The following ZNF394 variants were observed in gnomAD, a reference collection of about 807,000 sequenced individuals.
The protein encoded by ZNF394 is zinc finger protein 99.
In ZNF394, 19 loss-of-function variants were observed where a neutral mutation model predicts 21.8. The observed-to-expected ratio is 0.87, with a 90% CI of 0.61 to 1.28. The LOEUF (loss-of-function observed/expected upper bound fraction) is 1.28. Among genes scored for constraint, ZNF394 ranks in the 50% most tolerant of loss-of-function variants. The pLI, the probability that ZNF394 is intolerant of heterozygous loss-of-function variation, is 0.00. For synonymous variants in ZNF394, 294 were observed against 273.3 expected, an observed-to-expected ratio of 1.08 and a Z score of -0.75; for missense variants, 683 against 708.6, an observed-to-expected ratio of 0.96 and a Z score of 0.41.
rs1469407487 is a variant in ZNF394, at chr7:99,498,539, C to T, written c.583+177G>A. ...GTATGTATAAAACATTAAAAATGAACCAAAGTAAAAAGCTGAATCTAGCAC... is the reference window on the plus strand; with the variant it reads ...GTATGTATAAAACATTAAAAATGAATCAAAGTAAAAAGCTGAATCTAGCAC... On this transcript the variant is annotated intron_variant, in intron 2 of 2. Transcript: ENST00000337673. 7 of 760,028 alleles carry T rather than the reference C, an allele frequency of 9.2e-6. No homozygotes were observed. In the African/African-American group the frequency reaches 1.3e-4, roughly 14 times the overall value. The allele number at this position is 760,028 out of a possible 1,614,324, so 47.1% of individuals were successfully genotyped here. A position where few individuals can be genotyped will look rare whatever the true frequency, so the allele number is the denominator to read the frequency against.
In ZNF394 at chr7:99,494,612, C is replaced by G. The variant is rs1174393378; in HGVS notation, c.603G>C (p.Glu201Asp). 4 of 1,592,320 alleles carry G rather than the reference C, an allele frequency of 2.5e-6. No individual in the cohort carries two copies. Among genetic ancestry groups the G allele is most frequent in the Non-Finnish European group, 2.6e-6 (3 of 1,171,106 alleles). Residue 201 changes from glutamate to aspartate, a missense_variant, in exon 3 of 3, where the codon GAG (glutamate) becomes GAC (aspartate). Glu to Asp is a conservative substitution (Grantham distance 45, BLOSUM62 2). This residue lies in a region of ZNF394 where 402 missense variants were observed against 373.8 expected (regional missense o/e 1.08). Coordinates refer to ENST00000337673, the MANE Select transcript of ZNF394 (RefSeq NM_032164.4). Reference protein sequence around the residue: ...TVPPSLESRVENKELIPMQQI... With the variant: ...TVPPSLESRVDNKELIPMQQI... ...GTTGCATTGGAATCAACTCTTTGTT[C>G]TCCACTCTGCTTTCCAAACCTGAAA...
At chr7:99,493,213 G>A (rs1453886825), downstream of ZNF394, 6 of 1,070,166 alleles carry the variant, frequency 5.6e-6, no homozygotes, top group Non-Finnish European at 6.8e-6. Flanking sequence ...TTCTGGACAA[G>A]AAAAGAAACA....
chr7:99,493,716 G>A lies in ZNF394; in HGVS notation c.1499C>T (p.Ser500Phe). The A allele has an allele frequency of 6.2e-7, 1 of 1,614,140 alleles. No individual in the cohort carries two copies. The highest frequency in any genetic ancestry group is 8.5e-7 in the Non-Finnish European group (1 of 1,180,010). Residue 500 changes from serine to phenylalanine, a missense_variant, in exon 3 of 3, where the codon TCC becomes TTC. By Grantham distance (155) the Ser-to-Phe change is radical. This residue lies in a region of ZNF394 where 274 missense variants were observed against 314.1 expected (regional missense o/e 0.87). Transcript: ENST00000337673. ...IHTGEKPYGCSVCGKRFNQSA... is the reference protein window; with the variant it reads ...IHTGEKPYGCFVCGKRFNQSA... ...CTGATTGAAGCGTTTCCCACAGACG[G>A]AACATCCATAGGGCTTCTCCCCAGT...
intron 2 of ZNF394, among the ~76,000 whole-genome samples, chr7:99,495,040 T>C (rs914044223): frequency 6.6e-6 from 1 of 152,072 alleles, no homozygotes; most frequent in African/African-American, 2.4e-5. Flanking sequence ...TATTTATTTA[T>C]TTTGAGATGG....
chr7:99,493,989 G>A lies in ZNF394; in HGVS notation c.1226C>T (p.Thr409Ile). ...CAGACAGGTGTACGGCTTCTCGCCT[G>A]TGTGTGTCCTCTGGTGCTTGGTCAG... is the stretch of plus-strand genomic sequence containing the variant. ...AALTKHQRTH[T>I]GEKPYTCLKC... Residue 409 changes from threonine to isoleucine, a missense_variant, in exon 3 of 3, where the codon ACA becomes ATA. Transcript: ENST00000337673. The A allele has an allele frequency of 1.2e-6, 2 of 1,614,230 alleles. No individual in the cohort carries two copies. Among genetic ancestry groups the A allele is most frequent in the Non-Finnish European group, 1.7e-6 (2 of 1,180,040 alleles).
At chr7:99,491,763 ATCTGTCTC>A (rs1800164957), downstream of ZNF394, among the ~76,000 whole-genome samples, 5 of 91,486 alleles carry the variant, frequency 5.5e-5, no homozygotes, top group South Asian at 3.6e-4. Context: ...GCGACAGAGA[ATCTGTCTC>A]AAAAAAAAAA....
intron 2 of ZNF394, among the ~76,000 whole-genome samples, chr7:99,495,735 C>G (rs534665503): frequency 1.1e-4 from 17 of 152,194 alleles, no homozygotes; most frequent in African/African-American, 4.1e-4. Context: ...ATTCCCCTGC[C>G]TCAGCCTTGA....
chr7:99,493,405 C>T lies in ZNF394; in HGVS notation c.*124G>A. On this transcript the variant is annotated 3_prime_UTR_variant, in exon 3 of 3. Transcript: ENST00000337673. Reference sequence around the variant, plus strand: ...CCGAATAGCTGGGCTTACAGGCATGCACCACCATGCCCGGCTCATTTTTGT... The same window carrying T: ...CCGAATAGCTGGGCTTACAGGCATGTACCACCATGCCCGGCTCATTTTTGT... 2.9e-6 allele frequency: 3 copies of T among 1,023,678 alleles called. No homozygotes were observed. Among genetic ancestry groups the T allele is most frequent in the Non-Finnish European group, 4.2e-6 (3 of 722,854 alleles). 63.4% of individuals were successfully genotyped at this position (1,023,678 alleles called of 1,614,324 possible). A position where few individuals can be genotyped will look rare whatever the true frequency, so the allele number is the denominator to read the frequency against.
chr7:99,499,420 AAAAG>A (rs988786027), intron 1 of ZNF394, among the ~76,000 whole-genome samples: 27 of 152,106 alleles, frequency 1.8e-4, no homozygotes, highest in South Asian at 8.3e-4. Flanking sequence ...AAAGAAAAGA[AAAAG>A]AAAGAAAACC....
At chr7:99,487,283 A>C in intron 1 of ZNF394, 2 of 1,614,252 alleles carry the variant, frequency 1.2e-6, no homozygotes, top group Non-Finnish European at 1.7e-6. Context: ...GATCTCATTC[A>C]GCATCAAAGA....
In ZNF394 at chr7:99,498,614, C is replaced by G. The variant is rs760873355; in HGVS notation, c.583+102G>C. The G allele has an allele frequency of 3.6e-5, 56 of 1,546,758 alleles. No homozygotes were observed. The South Asian group carries it at 6.4e-4, about 18-fold the overall frequency. On this transcript the variant is annotated intron_variant, in intron 2 of 2. Transcript: ENST00000337673. Reference sequence around the variant, plus strand: ...GCGTTACAGAAGGCACCTGAAGGCTCTCAGCCCAAGTCTGGGAATGGCATA... The same window carrying G: ...GCGTTACAGAAGGCACCTGAAGGCTGTCAGCCCAAGTCTGGGAATGGCATA...
In ZNF394 at chr7:99,499,853, C is replaced by T; in HGVS notation, c.241G>A (p.Ala81Thr). Residue 81 changes from alanine (A) to threonine (T), a missense_variant, in exon 1 of 3, where the codon GCG (alanine) becomes ACG (threonine). By Grantham distance (58) the Ala-to-Thr change is moderately conservative. Transcript: ENST00000337673. ...RYQEVAGPEE[A>T]LSRLRELCRR... is the part of the protein sequence containing the mutation. ...CAGAGTTCTCGGAGCCGGCTCAGCG[C>T]CTCTTCCGGTCCAGCCACCTCCTGG... 6.2e-7 allele frequency: 1 copy of T among 1,614,176 alleles called. No individual in the cohort carries two copies. The highest frequency in any genetic ancestry group is 1.6e-4 in the Middle Eastern group (1 of 6,062).
In ZNF394 at chr7:99,499,744, G is replaced by A. The variant is rs1423466096; in HGVS notation, c.350C>T (p.Pro117Leu). Residue 117 changes from proline (P) to leucine (L), a missense_variant, in exon 1 of 3, where the codon CCC becomes CTC. Pro to Leu is a moderately conservative substitution (Grantham distance 98, BLOSUM62 -3). Coordinates refer to ENST00000337673, the MANE Select transcript of ZNF394 (RefSeq NM_032164.4). ...LVLEQFLTIL[P>L]EELQAWVREH... ...TCGCACCCAGGCTTGAAGCTCCTCGGGCAGGATGGTGAGGAACTGCTCCAG... is the reference window on the plus strand; with the variant it reads ...TCGCACCCAGGCTTGAAGCTCCTCGAGCAGGATGGTGAGGAACTGCTCCAG... 2.5e-6 allele frequency: 4 copies of A among 1,614,084 alleles called. No individual in the cohort carries two copies. The Admixed American group carries it at 6.7e-5, about 27-fold the overall frequency.
In ZNF394 at chr7:99,493,508, T is replaced by C. The variant is rs1800208409; in HGVS notation, c.*21A>G. ...CTGATCTCAAATGATCTGCCTGCCT[T>C]GGCCTCCCAAAGTGCTGGGATTATA... is the stretch of plus-strand genomic sequence containing the variant. On this transcript the variant is annotated 3_prime_UTR_variant, in exon 3 of 3. Coordinates refer to ENST00000337673, the MANE Select transcript of ZNF394 (RefSeq NM_032164.4). 1.9e-6 allele frequency: 3 copies of C among 1,553,396 alleles called. No individual in the cohort carries two copies. The highest frequency in any genetic ancestry group is 1.7e-6 in the Non-Finnish European group (2 of 1,146,822).
intron 2 of ZNF394, among the ~76,000 whole-genome samples, chr7:99,497,122 G>GTGTATATATATATATATA (rs1322382800): frequency 3.8e-5 from 3 of 79,448 alleles, no homozygotes; most frequent in South Asian, 4.0e-4. Context: ...GTGTGTGTGT[G>GTGTATATATATATATATA]TATATATATA....
chr7:99,497,869 C>G (rs113425161), intron 2 of ZNF394: 1 of 152,000 alleles, frequency 6.6e-6, no homozygotes, highest in Admixed American at 6.6e-5. Flanking sequence ...CTCAAAAAAA[C>G]CCCCAAAGCC....
In ZNF394 at chr7:99,493,729, G is replaced by C. The variant is rs1800216035; in HGVS notation, c.1486C>G (p.Pro496Ala). The change falls in exon 3 of 3, where the codon CCC (proline) becomes GCC (alanine). Residue 496 changes from proline to alanine, a missense_variant. Coordinates refer to ENST00000337673, the MANE Select transcript of ZNF394 (RefSeq NM_032164.4). The part of the protein sequence containing the change: ...KHHRIHTGEK[P>A]YGCSVCGKRF... ...TTCCCACAGACGGAACATCCATAGG[G>C]CTTCTCCCCAGTGTGGATTCTGTGG... is the stretch of plus-strand genomic sequence containing the variant. 1.9e-6 allele frequency: 3 copies of C among 1,614,174 alleles called. No individual in the cohort carries two copies. Among genetic ancestry groups the C allele is most frequent in the Non-Finnish European group, 2.5e-6 (3 of 1,180,022 alleles).
At position 99,499,101 on chromosome 7, in the gene ZNF394, C is replaced by T. The variant is rs1469587088; in HGVS notation, c.457-259G>A. Among the ~76,000 whole-genome samples the T allele has an allele frequency of 2.0e-5, 3 of 152,134 alleles. No homozygotes were observed. The South Asian group carries it at 6.2e-4, about 31-fold the overall frequency. On this transcript the variant is annotated intron_variant, in intron 1 of 2. Transcript: ENST00000337673. ...CAGATTAAAAGTAAACAAGGCCGGG[C>T]GCGGTGGCTCACGCCTGTAATCCCA...
At chr7:99,486,771 G>A (rs1369157566) in exon 2 of ZNF394, 10 of 1,614,198 alleles carry the variant, frequency 6.2e-6, no homozygotes, top group Non-Finnish European at 8.5e-6. Flanking sequence ...AAAGATCTTT[G>A]CTTTTGGGGC....
Sources: gnomAD v4.1 joint callset for allele counts (sites outside exome capture counted in the v4.1 genomes callset) on GRCh38, gnomAD v4.1.1 for gene constraint, gnomAD v4.1.1 regional missense constraint, MANE v1.5 for transcripts, NCBI Gene and HGNC (gene_info 2026-07-23, HGNC 2026-07-21) for gene names.